Variants in TSGA13 observed in about 807,000 individuals in gnomAD.
TSGA13 encodes testis-specific gene 13 protein.
Under a neutral mutation model 35.1 loss-of-function variants are expected in TSGA13, and 37 were observed. The observed-to-expected ratio is 1.05, with a 90% CI of 0.81 to 1.39. TSGA13 has a LOEUF of 1.39. Ranked by LOEUF, TSGA13 falls within the 40% of genes most tolerant of loss-of-function variation. The pLI is 0.00. For synonymous variants in TSGA13, 124 were observed against 121.2 expected (o/e 1.02, Z -0.15); for missense variants, 338 against 328.5 (o/e 1.03, Z -0.22).
At chr7:130,683,153 C>T (rs1198053507) in intron 3 of TSGA13, among the ~76,000 whole-genome samples, 13 of 152,140 alleles carry the variant, frequency 8.5e-5, no homozygotes, top group African/African-American at 3.1e-4. Flanking sequence ...TGACTAAACC[C>T]ACAAGATTGT....
At chr7:130,680,585 A>C (rs1297060545) in intron 4 of TSGA13, among the ~76,000 whole-genome samples, 1 of 151,920 alleles carries the variant, frequency 6.6e-6, no homozygotes, top group African/African-American at 2.4e-5. Flanking sequence ...GGACGGTCCC[A>C]CTAAATTTGC....
At position 130,668,682 on chromosome 7, in the gene TSGA13, C is replaced by G. The variant is rs532247153; in HGVS notation, c.*332G>C. The G allele has an allele frequency of 7.0e-5, 108 of 1,533,428 alleles. 1 individual carries two copies. In the South Asian group the frequency reaches 1.2e-3, roughly 18 times the overall value. The allele number at this position is 1,533,428 out of a possible 1,614,324, so 95.0% of individuals were successfully genotyped here. A position where few individuals can be genotyped will look rare whatever the true frequency, so the allele number is the denominator to read the frequency against. On this transcript the variant is annotated 3_prime_UTR_variant, in exon 8 of 8. Coordinates refer to ENST00000356588, the MANE Select transcript of TSGA13 (RefSeq NM_052933.4). The stretch of plus-strand genomic sequence containing the variant: ...TTTTTTAATCATCTTGGACGACTTC[C>G]CAGCGCCCAGACCCACCGCAACCGT...
chr7:130,680,309 A>G (rs2116321955), intron 4 of TSGA13, among the ~76,000 whole-genome samples: 1 of 152,266 alleles, frequency 6.6e-6, no homozygotes, highest in East Asian at 1.9e-4. Context: ...GATCGAGACC[A>G]TCCTGGCTAA....
intron 5 of TSGA13, among the ~76,000 whole-genome samples, chr7:130,674,169 C>CTTTTTTTTTTTTTTTTTTTTTTTTTTTT (rs1162370815): frequency 1.6e-4 from 16 of 98,416 alleles, no homozygotes; most frequent in Non-Finnish European, 2.4e-4. Flanking sequence ...TTCTTTTTTT[C>CTTTTTTTTTTTTTTTTTTTTTTTTTTTT]TTTTTTTTTT....
At chr7:130,679,416 G>A in intron 4 of TSGA13, 49 bp from the exon 5 acceptor site, 4 of 1,516,288 alleles carry the variant, frequency 2.6e-6, no homozygotes, top group Non-Finnish European at 3.6e-6. Context: ...TAGGCCAAGA[G>A]CAGGTTAACA....
Position 130,681,031 on chromosome 7 carries a change from T to C in TSGA13, c.103-14A>G. Reference sequence around the variant, plus strand: ...TGCATCAGAAATCTAAAGAGGATAATCAAAGTTAGTGGTTTGAAGTTGCAC... The same window carrying C: ...TGCATCAGAAATCTAAAGAGGATAACCAAAGTTAGTGGTTTGAAGTTGCAC... On this transcript the variant is annotated splice_polypyrimidine_tract_variant and intron_variant, in intron 3 of 7. Coordinates refer to ENST00000356588, the MANE Select transcript of TSGA13 (RefSeq NM_052933.4). 6.2e-7 allele frequency: 1 copy of C among 1,613,642 alleles called. No homozygotes were observed. The highest frequency in any genetic ancestry group is 8.5e-7 in the Non-Finnish European group (1 of 1,179,568).
At chr7:130,677,703 G>C (rs1554464324) in intron 5 of TSGA13, among the ~76,000 whole-genome samples, 2 of 152,078 alleles carry the variant, frequency 1.3e-5, no homozygotes, top group African/African-American at 4.8e-5. Context: ...GGGATTACAG[G>C]CGTGAGCCAC....
rs886971138 is a variant in TSGA13, at chr7:130,685,366, T to A, written c.-150-6A>T. ...CTCATGCCCCATTCTTGAGCCTGTA[T>A]GGGAAACAAGAAAAGACTGATAGGT... is the stretch of plus-strand genomic sequence containing the variant. On this transcript the variant is annotated splice_region_variant and splice_polypyrimidine_tract_variant and intron_variant, in intron 1 of 7. Coordinates refer to ENST00000356588, the MANE Select transcript of TSGA13 (RefSeq NM_052933.4). 2 of 1,437,520 alleles carry A rather than the reference T, an allele frequency of 1.4e-6. No homozygotes were observed. Among genetic ancestry groups the A allele is most frequent in the African/African-American group, 2.8e-5 (2 of 71,146 alleles). 89.0% of individuals were successfully genotyped at this position (1,437,520 alleles called of 1,614,324 possible).
intron 1 of TSGA13, 145 bp from the exon 2 acceptor site, chr7:130,685,505 G>T: frequency 1.4e-6 from 1 of 714,948 alleles, no homozygotes; most frequent in Non-Finnish European, 2.0e-6. Flanking sequence ...TAAAACAATA[G>T]TGACAAATAC....
Position 130,669,118 on chromosome 7 carries a change from A to G in TSGA13, c.724T>C (p.Ser242Pro), listed in dbSNP as rs550205901. Reference protein sequence around the residue: ...KVIREPLTLASLLEDMPTRTA... With the variant: ...KVIREPLTLAPLLEDMPTRTA... The stretch of plus-strand genomic sequence containing the variant: ...CTGGTGGGCATGTCTTCCAAGAGCG[A>G]TGCGAGTGTCAGTGGTTCCCGAATC... The change falls in exon 8 of 8, where the codon TCG (serine) becomes CCG (proline). Residue 242 changes from serine to proline, a missense_variant. By Grantham distance (74) the Ser-to-Pro change is moderately conservative. Transcript: ENST00000356588. 2 of 1,614,212 alleles carry G rather than the reference A, an allele frequency of 1.2e-6. No homozygotes were observed. The highest frequency in any genetic ancestry group is 3.3e-5 in the Admixed American group (2 of 60,028).
chr7:130,678,871 A>G (rs1796471982), intron 5 of TSGA13, among the ~76,000 whole-genome samples: 1 of 152,104 alleles, frequency 6.6e-6, no homozygotes, highest in Non-Finnish European at 1.5e-5. Context: ...AAAATAATAA[A>G]AAAAGTTTAG....
At position 130,668,699 on chromosome 7, in the gene TSGA13, C is replaced by T. The variant is rs781856609; in HGVS notation, c.*315G>A. 7.2e-6 allele frequency: 11 copies of T among 1,519,178 alleles called. No homozygotes were observed. The South Asian group carries it at 1.1e-4, about 15-fold the overall frequency. The allele number at this position is 1,519,178 out of a possible 1,614,324, so 94.1% of individuals were successfully genotyped here. On this transcript the variant is annotated 3_prime_UTR_variant, in exon 8 of 8. Transcript: ENST00000356588. ...ACGACTTCCCAGCGCCCAGACCCAC[C>T]GCAACCGTCCCAGGCGCCGCAGCCG...
chr7:130,673,692 T>C (rs949647654), intron 5 of TSGA13, among the ~76,000 whole-genome samples: 2 of 152,154 alleles, frequency 1.3e-5, no homozygotes, highest in East Asian at 1.9e-4. Flanking sequence ...TTTAATCTCA[T>C]TGGAGAAAGC....
intron 5 of TSGA13, among the ~76,000 whole-genome samples, chr7:130,673,387 T>C (rs1796329087): frequency 6.6e-6 from 1 of 152,156 alleles, no homozygotes; most frequent in African/African-American, 2.4e-5. Context: ...GAATCTTAAG[T>C]CATCCAGTCT....
chr7:130,672,916 G>A, intron 5 of TSGA13, 40 bp from the exon 6 acceptor site: 2 of 1,576,246 alleles, frequency 1.3e-6, no homozygotes, highest in Non-Finnish European at 1.7e-6. Context: ...GGAGTAAGCT[G>A]AGTCCCTTGG....
In TSGA13 at chr7:130,672,383, T is replaced by C. The variant is rs368466861; in HGVS notation, c.530+351A>G. Among the ~76,000 whole-genome samples, 18 of 152,204 alleles carry C rather than the reference T, an allele frequency of 1.2e-4. No homozygotes were observed. The East Asian group carries it at 1.3e-3, about 11-fold the overall frequency. The stretch of plus-strand genomic sequence containing the variant: ...ACACATAGGCTGCTCTTGTAAGTAG[T>C]TTCACATAAAACCTCTTTTGTCTAA... On this transcript the variant is annotated intron_variant, in intron 6 of 7. Coordinates refer to ENST00000356588, the MANE Select transcript of TSGA13 (RefSeq NM_052933.4).
Position 130,668,833 on chromosome 7 carries a change from C to G in TSGA13, c.*181G>C. The G allele has an allele frequency of 4.7e-6, 6 of 1,277,752 alleles. No individual in the cohort carries two copies. Among genetic ancestry groups the G allele is most frequent in the Non-Finnish European group, 6.3e-6 (6 of 949,600 alleles). The allele number at this position is 1,277,752 out of a possible 1,614,324, so 79.2% of individuals were successfully genotyped here. On this transcript the variant is annotated 3_prime_UTR_variant, in exon 8 of 8. Coordinates refer to ENST00000356588, the MANE Select transcript of TSGA13 (RefSeq NM_052933.4). ...GCCCTCCCCGGCCGCCCTCGGCCCC[C>G]GGGACGCAGCCACGCCCCCTTCTCC...
intron 6 of TSGA13, 32 bp from the exon 7 acceptor site, chr7:130,671,820 C>G (rs782335841): frequency 6.7e-7 from 1 of 1,501,894 alleles, no homozygotes; most frequent in African/African-American, 1.4e-5. Context: ...TTTAGTAGAT[C>G]CTAGGGCAGG....
intron 3 of TSGA13, among the ~76,000 whole-genome samples, chr7:130,683,219 A>C (rs1796588582): frequency 6.6e-6 from 1 of 152,224 alleles, no homozygotes; most frequent in Non-Finnish European, 1.5e-5. Context: ...TCTGTGGCTG[A>C]TTAAATAAAA....
Sources: allele counts gnomAD v4.1 joint callset (sites outside exome capture counted in the v4.1 genomes callset), GRCh38; gene constraint gnomAD v4.1.1; transcripts MANE v1.5; gene names NCBI Gene and HGNC (gene_info 2026-07-23, HGNC 2026-07-21).